Variants in NRG3 observed in about 807,000 individuals in gnomAD.
NRG3 encodes neuregulin 3.
In NRG3, 31 loss-of-function variants were observed where a neutral mutation model predicts 66.9. The ratio of observed to expected loss-of-function variants is 0.46; its 90% CI spans 0.35 to 0.63. The LOEUF (loss-of-function observed/expected upper bound fraction) is 0.63. NRG3 is among the 20% of genes least tolerant of loss of function. NRG3 has a pLI of 0.00. For synonymous variants in NRG3, 393 were observed against 359.4 expected, an observed-to-expected ratio of 1.09 and a Z score of -1.06; for missense variants, 910 against 878.9, an observed-to-expected ratio of 1.04 and a Z score of -0.45.
intron 3 of NRG3, among the ~76,000 whole-genome samples, chr10:82,796,647 A>G (rs1469381924): frequency 6.6e-6 from 1 of 152,194 alleles, no homozygotes; most frequent in African/African-American, 2.4e-5. Flanking sequence ...GTGAATTTTA[A>G]AATTATTTTC....
intron 1 of NRG3, among the ~76,000 whole-genome samples, chr10:82,000,065 C>T (rs573410440): frequency 3.3e-5 from 5 of 152,240 alleles, no homozygotes; most frequent in East Asian, 3.9e-4. Context: ...AAGGAAGATG[C>T]TGGATAATAA....
chr10:82,849,552 A>G (rs1047498356), intron 3 of NRG3, among the ~76,000 whole-genome samples: 2 of 152,160 alleles, frequency 1.3e-5, no homozygotes, highest in African/African-American at 4.8e-5. Context: ...TTAGGAGTAA[A>G]GAAAAGTAGG....
intron 2 of NRG3, among the ~76,000 whole-genome samples, chr10:82,633,987 T>C (rs74146135): frequency 0.091 from 13,820 of 152,148 alleles, 735 homozygotes; most frequent in East Asian, 0.22. Flanking sequence ...TTAAGAAAGA[T>C]ATTAAAACAT....
chr10:82,012,027 C>T (rs922672367), intron 1 of NRG3, among the ~76,000 whole-genome samples: 2 of 152,196 alleles, frequency 1.3e-5, no homozygotes, highest in African/African-American at 4.8e-5. Flanking sequence ...GGGGCTCCAA[C>T]TCCACATTTC....
chr10:82,033,759 T>C (rs1414515537), intron 1 of NRG3, among the ~76,000 whole-genome samples: 1 of 152,102 alleles, frequency 6.6e-6, no homozygotes, highest in East Asian at 1.9e-4. Context: ...CTCTGAGCAT[T>C]GCACAGCTCA....
chr10:82,782,139 T>C (rs1409046096), intron 3 of NRG3, among the ~76,000 whole-genome samples: 1 of 152,170 alleles, frequency 6.6e-6, no homozygotes, highest in Non-Finnish European at 1.5e-5. Flanking sequence ...TCCCCAAAAT[T>C]CATGTGTTGG....
At chr10:82,732,656 A>G (rs1340515509) in intron 2 of NRG3, among the ~76,000 whole-genome samples, 1 of 152,210 alleles carries the variant, frequency 6.6e-6, no homozygotes, top group African/African-American at 2.4e-5. Flanking sequence ...AATGCTTATC[A>G]TGCACCACAG....
At chr10:82,697,462 G>A (rs949520042) in intron 2 of NRG3, among the ~76,000 whole-genome samples, 17 of 152,070 alleles carry the variant, frequency 1.1e-4, no homozygotes, top group East Asian at 3.9e-4. Flanking sequence ...CAAGAAATTC[G>A]TTCATGAACT....
intron 2 of NRG3, among the ~76,000 whole-genome samples, chr10:82,568,833 T>C (rs2133092653): frequency 6.6e-6 from 1 of 151,974 alleles, no homozygotes; most frequent in South Asian, 2.1e-4. Context: ...TTATATGTTA[T>C]ACTGCTTCAC....
At chr10:82,921,307 A>G (rs7908505) in intron 4 of NRG3, among the ~76,000 whole-genome samples, 57,294 of 151,980 alleles carry the variant, frequency 0.38, 11,229 homozygotes, top group East Asian at 0.63. Context: ...GTGATTAAAA[A>G]CAAGAAATGT....
intron 3 of NRG3, among the ~76,000 whole-genome samples, chr10:82,787,046 T>G (rs1261169560): frequency 6.6e-6 from 1 of 152,198 alleles, no homozygotes; most frequent in East Asian, 1.9e-4. Context: ...AATTTTCTGT[T>G]ATTATCAGCA....
At chr10:82,590,250 A>G (rs539174933) in intron 2 of NRG3, among the ~76,000 whole-genome samples, 6 of 152,284 alleles carry the variant, frequency 3.9e-5, no homozygotes, top group African/African-American at 1.2e-4. Context: ...AATGATCAAG[A>G]ATCTTGTAAG....
chr10:82,646,717 G>A (rs540804569), intron 2 of NRG3, among the ~76,000 whole-genome samples: 11 of 152,220 alleles, frequency 7.2e-5, no homozygotes, highest in African/African-American at 2.2e-4. Flanking sequence ...AGATGCTGGG[G>A]TATGCTCAAG....
At chr10:82,093,217 G>A (rs2066136646) in intron 1 of NRG3, among the ~76,000 whole-genome samples, 1 of 152,100 alleles carries the variant, frequency 6.6e-6, no homozygotes, top group Admixed American at 6.5e-5. Context: ...TAACTTACTA[G>A]GCTGTCTGAT....
intron 1 of NRG3, among the ~76,000 whole-genome samples, chr10:81,948,476 C>G (rs976385418): frequency 6.6e-6 from 1 of 152,202 alleles, no homozygotes; most frequent in East Asian, 1.9e-4. Context: ...TCACTCCCAG[C>G]TGATTTGGAG....
At chr10:82,647,006 A>C (rs1223475279) in intron 2 of NRG3, among the ~76,000 whole-genome samples, 1 of 141,320 alleles carries the variant, frequency 7.1e-6, no homozygotes, top group African/African-American at 2.7e-5. Flanking sequence ...CTCTTTTTTA[A>C]TTTTATTATT....
intron 1 of NRG3, among the ~76,000 whole-genome samples, chr10:81,954,594 G>T (rs1043161160): frequency 6.6e-6 from 1 of 151,922 alleles, no homozygotes; most frequent in Non-Finnish European, 1.5e-5. Context: ...ATGTCTTAGG[G>T]AATCAGCTCC....
At chr10:82,546,584 G>T (rs1043676270) in intron 2 of NRG3, among the ~76,000 whole-genome samples, 2 of 152,120 alleles carry the variant, frequency 1.3e-5, no homozygotes, top group Admixed American at 1.3e-4. Context: ...ATATAGATGG[G>T]ATTTTAATTA....
At chr10:82,420,268 C>T (rs1268770539) in intron 2 of NRG3, among the ~76,000 whole-genome samples, 4 of 152,212 alleles carry the variant, frequency 2.6e-5, no homozygotes, top group Admixed American at 6.5e-5. Context: ...CAATTTGAAA[C>T]ATTCAGTAAT....
Sources: allele counts gnomAD v4.1 joint callset (sites outside exome capture counted in the v4.1 genomes callset), GRCh38; gene constraint gnomAD v4.1.1; transcripts MANE v1.5; gene names NCBI Gene and HGNC (gene_info 2026-07-23, HGNC 2026-07-21).